GBF1: variants seen among roughly 807,000 people sequenced by gnomAD.
GBF1 encodes Golgi-specific brefeldin A-resistance guanine nucleotide exchange factor 1.
GBF1 carries 114 observed loss-of-function variants against 210.5 expected under a neutral mutation model. That is an observed-to-expected ratio of 0.54 (90% CI 0.47 to 0.63). The LOEUF is 0.63. Ranked by LOEUF, GBF1 falls within the 30% of genes least tolerant of loss-of-function variation. GBF1 has a pLI of 0.00. For missense variants in GBF1, 1,851 were observed against 2,357.7 expected, an observed-to-expected ratio of 0.79 and a Z score of 4.45; for synonymous variants, 850 against 889.2, an observed-to-expected ratio of 0.96 and a Z score of 0.78.
intron 3 of GBF1, among the ~76,000 whole-genome samples, chr10:102,302,138 G>A (rs1204193753): frequency 4.6e-5 from 7 of 152,182 alleles, no homozygotes; most frequent in African/African-American, 9.7e-5. Context: ...GGCGGCGCGC[G>A]CCTGCAATCC....
In GBF1 at chr10:102,363,675, T is replaced by TA; in HGVS notation, c.2018-34dup. On this transcript the variant is annotated intron_variant, in intron 16 of 39. Transcript: ENST00000369983. This position sits in a 1 kb window ranked among gnomAD's most constrained non-coding sequence, Gnocchi z 4.2. ...TCCTTATCTGGGTAAAAAAAGGTGT[T>TA]ACAGATATTTCCCCCCTCTTCTTCC... 7.3e-7 allele frequency: 1 copy of TA among 1,373,902 alleles called. No individual in the cohort carries two copies. Among genetic ancestry groups the TA allele is most frequent in the Non-Finnish European group, 1.0e-6 (1 of 961,246 alleles). The allele number at this position is 1,373,902 out of a possible 1,614,324, so 85.1% of individuals were successfully genotyped here.
intron 3 of GBF1, among the ~76,000 whole-genome samples, chr10:102,318,092 T>C (rs751068866): frequency 9.2e-5 from 14 of 152,050 alleles, no homozygotes; most frequent in Non-Finnish European, 1.5e-4. Flanking sequence ...GTATTTTTAG[T>C]AGAGACAAGG....
chr10:102,265,626 A>G (rs2479555), intron 3 of GBF1, among the ~76,000 whole-genome samples: 51,957 of 152,072 alleles, frequency 0.34, 9,272 homozygotes, highest in South Asian at 0.48. Context: ...TCGAGGTTAC[A>G]GTGACCCATG....
chr10:102,369,137 T>C (rs1194636223), intron 23 of GBF1, 74 bp from the exon 24 acceptor site: 10 of 1,107,084 alleles, frequency 9.0e-6, no homozygotes, highest in African/African-American at 1.5e-5. Context: ...GGAACCATCA[T>C]AGGCAGAGAC....
intron 3 of GBF1, among the ~76,000 whole-genome samples, chr10:102,260,953 A>C (rs1400988494): frequency 6.6e-6 from 1 of 151,982 alleles, no homozygotes; most frequent in East Asian, 1.9e-4. Flanking sequence ...ACCTTATATA[A>C]TATATTCATA....
At chr10:102,235,862 A>C in the GBF1 span, among the ~76,000 whole-genome samples, 3 of 152,222 alleles carry the variant, frequency 2.0e-5, no homozygotes, top group African/African-American at 7.2e-5. Flanking sequence ...TGTCCTGAGC[A>C]TAGGTGACCC....
At chr10:102,231,939 A>G in the GBF1 span, 1 of 1,580,908 alleles carries the variant, frequency 6.3e-7, no homozygotes, top group East Asian at 2.2e-5. Context: ...TATGTCCTGC[A>G]CCCCCGGAAG....
chr10:102,250,537 T>A (rs2071383872), intron 1 of GBF1, among the ~76,000 whole-genome samples: 1 of 151,902 alleles, frequency 6.6e-6, no homozygotes, highest in Admixed American at 6.6e-5. Context: ...TTTTTTTTTT[T>A]TTTTTTAATT....
intron 1 of GBF1, among the ~76,000 whole-genome samples, chr10:102,258,066 C>T (rs1167543857): frequency 1.3e-5 from 2 of 151,644 alleles, no homozygotes; most frequent in Non-Finnish European, 2.9e-5. Flanking sequence ...TCTTGAACTA[C>T]CTTGAACTTC....
At chr10:102,286,642 AT>A (rs977440707) in intron 3 of GBF1, among the ~76,000 whole-genome samples, 1 of 152,020 alleles carries the variant, frequency 6.6e-6, no homozygotes, top group African/African-American at 2.4e-5. Context: ...TAAAGGTCAG[AT>A]TTTTTTTGAC....
chr10:102,353,760 G>C, intron 8 of GBF1, 106 bp downstream of exon 8: 1 of 762,396 alleles, frequency 1.3e-6, no homozygotes, highest in Non-Finnish European at 2.3e-6. Context: ...TGCCTAAACA[G>C]GTCTGCTTGG....
chr10:102,273,907 A>G (rs2074668407), intron 3 of GBF1, among the ~76,000 whole-genome samples: 1 of 152,198 alleles, frequency 6.6e-6, no homozygotes, highest in South Asian at 2.1e-4. Context: ...CTTTTATGTG[A>G]TGCTATACAG....
upstream of GBF1, among the ~76,000 whole-genome samples, chr10:102,243,936 C>T (rs1354585533): frequency 6.6e-6 from 1 of 152,082 alleles, no homozygotes; most frequent in Non-Finnish European, 1.5e-5. Context: ...TCGAGACCAG[C>T]CTGTCCAACA....
At chr10:102,282,648 C>G (rs2075604926) in intron 3 of GBF1, among the ~76,000 whole-genome samples, 1 of 152,182 alleles carries the variant, frequency 6.6e-6, no homozygotes, top group Admixed American at 6.5e-5. Flanking sequence ...TAGCCTTGTT[C>G]CCTGGCAACA....
At chr10:102,246,094 G>A (rs1025271324) in intron 1 of GBF1, among the ~76,000 whole-genome samples, 1 of 152,204 alleles carries the variant, frequency 6.6e-6, no homozygotes, top group African/African-American at 2.4e-5. Flanking sequence ...GCATCCTGAA[G>A]AGCCCAGTAC....
At chr10:102,243,882 C>T (rs542381488), upstream of GBF1, among the ~76,000 whole-genome samples, 1 of 152,274 alleles carries the variant, frequency 6.6e-6, no homozygotes, top group East Asian at 1.9e-4. Flanking sequence ...GTAATCTCAA[C>T]ACTTTGGGAG....
In GBF1 at chr10:102,363,692, T is replaced by C; in HGVS notation, c.2018-18T>C. 6.4e-7 allele frequency: 1 copy of C among 1,556,488 alleles called. No homozygotes were observed. The highest frequency in any genetic ancestry group is 8.9e-7 in the Non-Finnish European group (1 of 1,127,700). ...AAAGGTGTTACAGATATTTCCCCCC[T>C]CTTCTTCCTACTCCTAGCTGACAAA... is the stretch of plus-strand genomic sequence containing the variant. On this transcript the variant is annotated intron_variant, in intron 16 of 39. Transcript: ENST00000369983. This position sits in a 1 kb window ranked among gnomAD's most constrained non-coding sequence, Gnocchi z 4.2.
chr10:102,305,425 C>A (rs1262706605), intron 3 of GBF1, among the ~76,000 whole-genome samples: 1 of 151,962 alleles, frequency 6.6e-6, no homozygotes, highest in Non-Finnish European at 1.5e-5. Context: ...CTAGCCTGGC[C>A]AACCTAGTGA....
intron 3 of GBF1, among the ~76,000 whole-genome samples, chr10:102,338,766 G>A (rs2057957979): frequency 6.6e-6 from 1 of 151,778 alleles, no homozygotes; most frequent in Non-Finnish European, 1.5e-5. Flanking sequence ...GACAAACATG[G>A]AGATACCCCG....
Sources: allele counts gnomAD v4.1 joint callset (sites outside exome capture counted in the v4.1 genomes callset), GRCh38; gene constraint gnomAD v4.1.1; non-coding constraint Gnocchi (gnomAD v3.1); transcripts MANE v1.5; gene names NCBI Gene and HGNC (gene_info 2026-07-23, HGNC 2026-07-21).